The following COG4 variants were observed in gnomAD, a reference collection of about 807,000 sequenced individuals.
COG4 encodes component of oligomeric golgi complex 4.
A neutral mutation model predicts 95.1 loss-of-function variants in COG4; 65 were observed. The ratio of observed to expected loss-of-function variants is 0.68; its 90% CI spans 0.56 to 0.84. The LOEUF (loss-of-function observed/expected upper bound fraction) is 0.84, where lower values mean the gene tolerates loss of function less well. Among genes scored for constraint, COG4 ranks in the 40% least tolerant of loss-of-function variants. The probability of loss-of-function intolerance (pLI) is 0.00; values close to 1 mark genes in which losing one functional copy is unlikely to be tolerated. For missense variants in COG4, 1,045 were observed against 989.1 expected (o/e 1.06, Z -0.76); for synonymous variants, 421 against 374.8 (o/e 1.12, Z -1.42).
chr16:70,511,254 G>A (rs926478259), intron 5 of COG4, among the ~76,000 whole-genome samples: 3 of 151,964 alleles, frequency 2.0e-5, no homozygotes, highest in Non-Finnish European at 4.4e-5. Context: ...AATATATCTT[G>A]ATTGCTAACT....
intron 14 of COG4, 142 bp downstream of exon 14, chr16:70,483,711 T>C: frequency 2.6e-6 from 2 of 772,366 alleles, no homozygotes; most frequent in East Asian, 2.5e-5. Context: ...TCAAGGGACC[T>C]GCACAACTCC....
At chr16:70,486,685 A>G (rs1352261103) in intron 13 of COG4, among the ~76,000 whole-genome samples, 1 of 152,128 alleles carries the variant, frequency 6.6e-6, no homozygotes, top group African/African-American at 2.4e-5. Context: ...GAAATAGTCT[A>G]AAGTGCCATG....
intron 13 of COG4, among the ~76,000 whole-genome samples, chr16:70,485,307 G>A (rs1420691986): frequency 2.7e-5 from 4 of 150,926 alleles, no homozygotes; most frequent in Non-Finnish European, 5.9e-5. Context: ...GGGTTCAAGC[G>A]ATTCTCGTGC....
chr16:70,510,117 T>A, intron 5 of COG4, 96 bp from the exon 6 acceptor site: 1 of 971,640 alleles, frequency 1.0e-6, no homozygotes, highest in Non-Finnish European at 1.6e-6. Flanking sequence ...TGACTTTCTT[T>A]TTTTTCACAT....
At chr16:70,492,489 T>C (rs2049264285) in intron 12 of COG4, among the ~76,000 whole-genome samples, 1 of 151,564 alleles carries the variant, frequency 6.6e-6, no homozygotes, top group East Asian at 1.9e-4. Context: ...AGAAACCCCG[T>C]CTCTACTAAA....
At chr16:70,498,869 T>C (rs2049393227) in intron 9 of COG4, among the ~76,000 whole-genome samples, 1 of 152,218 alleles carries the variant, frequency 6.6e-6, no homozygotes. Flanking sequence ...ATATTGGATA[T>C]AGAATATTTC....
intron 12 of COG4, among the ~76,000 whole-genome samples, chr16:70,493,593 G>T (rs1353469322): frequency 6.6e-6 from 1 of 152,108 alleles, no homozygotes; most frequent in Non-Finnish European, 1.5e-5. Flanking sequence ...GTGCAGAATG[G>T]CACAAAACCC....
Position 70,483,982 on chromosome 16 carries a change from A to T in COG4, c.1711-13T>A, listed in dbSNP as rs755730477. On this transcript the variant is annotated splice_polypyrimidine_tract_variant and intron_variant, in intron 13 of 18. Transcript: ENST00000323786. Reference sequence around the variant, plus strand: ...TGGTGCAGTCACTCTAGGGGAGAACACTGCTGTAAGACCACCGAGCACGCG... The same window carrying T: ...TGGTGCAGTCACTCTAGGGGAGAACTCTGCTGTAAGACCACCGAGCACGCG... 1.3e-6 allele frequency: 2 copies of T among 1,596,624 alleles called. No individual in the cohort carries two copies. The highest frequency in any genetic ancestry group is 1.7e-6 in the Non-Finnish European group (2 of 1,167,264).
intron 15 of COG4, chr16:70,482,380 T>A: frequency 1.6e-6 from 1 of 642,722 alleles, no homozygotes; most frequent in Non-Finnish European, 2.8e-6. Context: ...GTGGCCCACA[T>A]AACATGGTAA....
chr16:70,505,712 C>G (rs556928494), intron 8 of COG4, among the ~76,000 whole-genome samples: 16 of 151,676 alleles, frequency 1.1e-4, no homozygotes, highest in South Asian at 8.4e-4. Context: ...GCCTGTAGTC[C>G]CAGCTACTCA....
At chr16:70,512,218 C>A in intron 5 of COG4, 21 bp downstream of exon 5, 2 of 1,612,478 alleles carry the variant, frequency 1.2e-6, no homozygotes, top group African/African-American at 1.3e-5. Context: ...AATTATCCTG[C>A]CAAGCAATCA....
Position 70,496,434 on chromosome 16 carries a change from G to T in COG4, c.1482-3C>A. 1.2e-6 allele frequency: 2 copies of T among 1,614,008 alleles called. No homozygotes were observed. Among genetic ancestry groups the T allele is most frequent in the Non-Finnish European group, 8.5e-7 (1 of 1,179,946 alleles). ...GCAGCTTATTACACAGAACATCCCTGGGGGGCAGGATTGCATAGAGGAATT... is the reference window on the plus strand; with the variant it reads ...GCAGCTTATTACACAGAACATCCCTTGGGGGCAGGATTGCATAGAGGAATT... On this transcript the variant is annotated splice_polypyrimidine_tract_variant and splice_region_variant and intron_variant, in intron 11 of 18. Transcript: ENST00000323786.
Position 70,512,353 on chromosome 16 carries a change from G to A in COG4, c.624C>T (p.Ala208=). 1.9e-6 allele frequency: 3 copies of A among 1,614,156 alleles called. No individual in the cohort carries two copies. Among genetic ancestry groups the A allele is most frequent in the Non-Finnish European group, 2.5e-6 (3 of 1,180,032 alleles). The change falls in exon 5 of 19, where the codon GCC becomes GCT. Residue 208 remains alanine, a synonymous_variant. Transcript: ENST00000323786. ...RLKAIVAEKF[A]IATKEGDLPQ... The stretch of plus-strand genomic sequence containing the variant: ...GCAGATCACCTTCCTTGGTGGCAAT[G>A]GCAAACTTCTCTGCCACAATGGCTT...
chr16:70,520,567 G>A (rs2049920602), intron 1 of COG4, among the ~76,000 whole-genome samples: 1 of 152,006 alleles, frequency 6.6e-6, no homozygotes, highest in East Asian at 1.9e-4. Flanking sequence ...GGGAAGTGGA[G>A]GTTGCAGTGA....
At chr16:70,504,589 GGAGT>G (rs1277131242) in intron 8 of COG4, among the ~76,000 whole-genome samples, 1 of 141,386 alleles carries the variant, frequency 7.1e-6, no homozygotes, top group Admixed American at 7.3e-5. Flanking sequence ...CCTGGGTGAC[GGAGT>G]GAGTGAGATT....
intron 12 of COG4, among the ~76,000 whole-genome samples, chr16:70,493,245 C>T (rs1287404304): frequency 6.6e-6 from 1 of 152,010 alleles, no homozygotes; most frequent in East Asian, 1.9e-4. Context: ...TATTTCTTGT[C>T]TGCATGGATC....
rs11054 is a variant in COG4 at position 70,481,452 on chromosome 16, C to G, written c.2142G>C (p.Ser714=). ...TCACCGTGGTAAGGTAGGCAATGAG[C>G]GACCTCAGCTCCTTGTCAAACTGCA... is the stretch of plus-strand genomic sequence containing the variant. The part of the protein sequence containing the change: ...GGLQFDKELR[S]LIAYLTTVTT... The change falls in exon 18 of 19, where the codon TCG becomes TCC. Residue 714 remains serine (S), a synonymous_variant. Transcript: ENST00000323786. The G allele has an allele frequency of 4.7e-5, 76 of 1,612,326 alleles. No individual in the cohort carries two copies. Among genetic ancestry groups the G allele is most frequent in the Non-Finnish European group, 6.3e-5 (74 of 1,179,860 alleles).
intron 16 of COG4, 105 bp from the exon 17 acceptor site, chr16:70,481,970 C>G (rs57591109): frequency 7.4e-7 from 1 of 1,345,020 alleles, no homozygotes; most frequent in East Asian, 2.3e-5. Flanking sequence ...GGGGGAGTTT[C>G]TACAGGTGAG....
At chr16:70,483,287 CCCCATCCTCCTCTCCTCTCCCCAT>C (rs2151739113) in intron 14 of COG4, among the ~76,000 whole-genome samples, 1 of 108,508 alleles carries the variant, frequency 9.2e-6, no homozygotes, top group Non-Finnish European at 1.7e-5. Context: ...CCTCTCCCCA[CCCCATCCTCCTCTCCTCTCCCCAT>C]CCCTTCCCTC....
Sources: allele counts gnomAD v4.1 joint callset (sites outside exome capture counted in the v4.1 genomes callset), GRCh38; gene constraint gnomAD v4.1.1; transcripts MANE v1.5; gene names NCBI Gene and HGNC (gene_info 2026-07-23, HGNC 2026-07-21).